The following KLK6 variants were observed in gnomAD, a reference collection of about 807,000 sequenced individuals.
The protein encoded by KLK6 is kallikrein related peptidase 6.
In KLK6, 16 loss-of-function variants were observed where a neutral mutation model predicts 21.7. The observed-to-expected ratio is 0.74, with a 90% CI of 0.50 to 1.12. KLK6 has a LOEUF of 1.12. KLK6 is among the 50% of genes most tolerant of loss of function. The probability of loss-of-function intolerance (pLI) is 0.00; values close to 1 mark genes in which losing one functional copy is unlikely to be tolerated. For missense variants in KLK6, 276 were observed against 304.6 expected (o/e 0.91, Z 0.70); for synonymous variants, 116 against 120.1 (o/e 0.97, Z 0.22).
intron 4 of KLK6, among the ~76,000 whole-genome samples, chr19:50,965,363 C>T (rs1229425571): frequency 6.6e-6 from 1 of 151,976 alleles, no homozygotes; most frequent in African/African-American, 2.4e-5. Flanking sequence ...CGGCTCACTG[C>T]AACCTCCGCC....
rs1056182392 is a variant in KLK6 at position 50,968,440 on chromosome 19, C to A, written c.-9+101G>T. On this transcript the variant is annotated intron_variant, in intron 2 of 6. Transcript: ENST00000310157. Reference sequence around the variant, plus strand: ...AGAGGGTTACCCTAGGGGGCCCTAGCGTTCTTCCTCTGTATGGGAGTTTTC... The same window carrying A: ...AGAGGGTTACCCTAGGGGGCCCTAGAGTTCTTCCTCTGTATGGGAGTTTTC... 6 of 398,734 alleles carry A rather than the reference C, an allele frequency of 1.5e-5. No individual in the cohort carries two copies. In the South Asian group the frequency reaches 1.7e-4, roughly 11 times the overall value. 24.7% of individuals were successfully genotyped at this position (398,734 alleles called of 1,614,324 possible).
chr19:50,968,013 A>G, intron 3 of KLK6, 52 bp downstream of exon 3: 1 of 1,568,658 alleles, frequency 6.4e-7, no homozygotes, highest in Non-Finnish European at 8.8e-7. Flanking sequence ...TTCTCCATCA[A>G]CAAGCCCAAC....
chr19:50,961,955 C>G, intron 5 of KLK6, 75 bp from the exon 6 acceptor site: 1 of 1,506,672 alleles, frequency 6.6e-7, no homozygotes, highest in Middle Eastern at 2.0e-4. Flanking sequence ...CCCCCCAACC[C>G]CTATAAGTCC....
chr19:50,967,411 C>A, intron 3 of KLK6, 86 bp from the exon 4 acceptor site: 1 of 1,351,932 alleles, frequency 7.4e-7, no homozygotes, highest in South Asian at 1.4e-5. Flanking sequence ...CAAGATTGGT[C>A]AGGTGCAGTG....
At chr19:50,960,028 AGGG>A (rs1472205162) in intron 6 of KLK6, among the ~76,000 whole-genome samples, 84 of 76,056 alleles carry the variant, frequency 1.1e-3, no homozygotes, top group African/African-American at 2.9e-3. Context: ...GAGGAGGAGG[AGGG>A]GGAAGACGAG....
Position 50,969,295 on chromosome 19 carries a change from G to A in KLK6, c.-60+195C>T, listed in dbSNP as rs573181886. Among the ~76,000 whole-genome samples, 12 of 152,116 alleles carry A rather than the reference G, an allele frequency of 7.9e-5. No individual in the cohort carries two copies. In the South Asian group the frequency reaches 1.0e-3, roughly 13 times the overall value. On this transcript the variant is annotated intron_variant, in intron 1 of 6. Transcript: ENST00000310157. ...TAGTCGGCTCAGTCCTTAGACCTCC[G>A]GGTTTTGGAGAAAGAAAGTGTCTGA... is the stretch of plus-strand genomic sequence containing the variant.
rs2090873938 is a variant in KLK6, at chr19:50,963,307, G to T, written c.440C>A (p.Ala147Glu). Residue 147 changes from alanine to glutamate, a missense_variant, in exon 5 of 7, where the codon GCA (alanine) becomes GAA (glutamate). Transcript: ENST00000310157. ...SCHILGWGKT[A>E]DGDFPDTIQC... ...ACCAGCCTCCCACTACTGACCATCTGCTGTCTTGCCCCAGCCCAGGATGTG... is the reference window on the plus strand; with the variant it reads ...ACCAGCCTCCCACTACTGACCATCTTCTGTCTTGCCCCAGCCCAGGATGTG... The T allele has an allele frequency of 1.2e-6, 2 of 1,612,524 alleles. No homozygotes were observed. The highest frequency in any genetic ancestry group is 1.7e-6 in the Non-Finnish European group (2 of 1,178,718).
At chr19:50,967,957 C>T (rs201857429) in intron 3 of KLK6, 108 bp downstream of exon 3, 35 of 837,076 alleles carry the variant, frequency 4.2e-5, no homozygotes, top group East Asian at 4.0e-4. Flanking sequence ...TTTCAAAGCT[C>T]CCCCACCCCA....
chr19:50,959,247 AG>A lies in KLK6; in HGVS notation c.651del (p.Cys218ValfsTer32). 2 of 1,614,054 alleles carry A rather than the reference AG, an allele frequency of 1.2e-6. No homozygotes were observed. Among genetic ancestry groups the A allele is most frequent in the Non-Finnish European group, 1.7e-6 (2 of 1,180,002 alleles). On this transcript the variant is annotated frameshift_variant, in exon 7 of 7. Coordinates refer to ENST00000310157, the MANE Select transcript of KLK6 (RefSeq NM_002774.4). LOFTEE classifies it low-confidence loss of function (END_TRUNC). The stretch of plus-strand genomic sequence containing the variant: ...ACTCCTGGCTTCTCCTTTGATCCAC[AG>A]GGGATGTTACCCCATGACACAAGGC... Reference protein sequence around the residue: ...LRGLVSWGNIPCGSKEKPGVY... With the variant: ...LRGLVSWGNIXCGSKEKPGVY...
At chr19:50,969,179 C>T (rs927838952) in intron 1 of KLK6, among the ~76,000 whole-genome samples, 3 of 149,144 alleles carry the variant, frequency 2.0e-5, no homozygotes, top group Non-Finnish European at 4.5e-5. Flanking sequence ...GGAACTTGGA[C>T]TCCTGGGTCT....
At chr19:50,959,817 A>G (rs865874363) in intron 6 of KLK6, among the ~76,000 whole-genome samples, 45 of 6,858 alleles carry the variant, frequency 6.6e-3, no homozygotes, top group South Asian at 0.016. Flanking sequence ...AGGAGGAGGA[A>G]GAGGAGGAGG....
intron 6 of KLK6, among the ~76,000 whole-genome samples, chr19:50,959,921 AGAGGAGGAAAAGGAG>A (rs1158494957): frequency 1.7e-5 from 1 of 58,104 alleles, no homozygotes; most frequent in Non-Finnish European, 3.3e-5. Context: ...GAGGAGGAGA[AGAGGAGGAAAAGGAG>A]GAGGAGGAAA....
intron 3 of KLK6, 52 bp from the exon 4 acceptor site, chr19:50,967,377 A>C (rs1467742273): frequency 6.6e-7 from 1 of 1,522,388 alleles, no homozygotes; most frequent in Non-Finnish European, 8.9e-7. Context: ...AACCAAGCGC[A>C]TCCCCCTCAA....
chr19:50,967,550 C>CACACAA (rs765495050), intron 3 of KLK6, among the ~76,000 whole-genome samples: 1 of 141,398 alleles, frequency 7.1e-6, no homozygotes, highest in Non-Finnish European at 1.6e-5. Context: ...CACACACACA[C>CACACAA]AAATTAGCAG....
intron 6 of KLK6, among the ~76,000 whole-genome samples, chr19:50,960,061 G>A (rs1190720479): frequency 4.6e-5 from 3 of 64,814 alleles, no homozygotes; most frequent in African/African-American, 1.2e-4. Context: ...GGAGAGGAGG[G>A]GGGAGGAGGA....
chr19:50,959,415 G>A, intron 6 of KLK6, 99 bp from the exon 7 acceptor site: 2 of 1,048,498 alleles, frequency 1.9e-6, no homozygotes, highest in Non-Finnish European at 2.8e-6. Flanking sequence ...GTGTGACAGA[G>A]AGAGAGGTAG....
intron 6 of KLK6, among the ~76,000 whole-genome samples, chr19:50,959,800 GAGA>G (rs1228119034): frequency 3.7e-5 from 1 of 26,948 alleles, no homozygotes; most frequent in Non-Finnish European, 6.3e-5. Context: ...GGAGGAAGAG[GAGA>G]AGGAGGAGGA....
intron 6 of KLK6, 47 bp from the exon 7 acceptor site, chr19:50,959,363 C>CTGTGTGTGTG (rs71185782): frequency 2.8e-4 from 233 of 841,832 alleles, no homozygotes; most frequent in African/African-American, 1.3e-3. Context: ...AACCCAGAGA[C>CTGTGTGTGTG]TGTGTGTGTG....
At chr19:50,961,472 T>A (rs1362883145) in intron 6 of KLK6, among the ~76,000 whole-genome samples, 1 of 152,256 alleles carries the variant, frequency 6.6e-6, no homozygotes, top group Non-Finnish European at 1.5e-5. Flanking sequence ...GCTCCTGGCC[T>A]CTCTGGTTCT....
Sources: gnomAD v4.1 joint callset for allele counts (sites outside exome capture counted in the v4.1 genomes callset) on GRCh38, gnomAD v4.1.1 for gene constraint, MANE v1.5 for transcripts, NCBI Gene and HGNC (gene_info 2026-07-23, HGNC 2026-07-21) for gene names.